CFAP299: variants seen among roughly 807,000 people sequenced by gnomAD.
The protein encoded by CFAP299 is cilia and flagella associated protein 299, also known as cilia- and flagella-associated protein 299.
CFAP299 carries 21 observed loss-of-function variants against 27.0 expected under a neutral mutation model. The observed-to-expected ratio is 0.78, with a 90% CI of 0.55 to 1.12. The LOEUF (loss-of-function observed/expected upper bound fraction) is 1.12, where lower values mean the gene tolerates loss of function less well. CFAP299 is among the 50% of genes most tolerant of loss of function. The pLI, the probability that CFAP299 is intolerant of heterozygous loss-of-function variation, is 0.00. For missense variants in CFAP299, 310 were observed against 276.6 expected (o/e 1.12, Z -0.86); for synonymous variants, 104 against 98.1 (o/e 1.06, Z -0.36).
At chr4:80,699,265 C>A (rs1017596860) in intron 3 of CFAP299, among the ~76,000 whole-genome samples, 1 of 152,148 alleles carries the variant, frequency 6.6e-6, no homozygotes, top group African/African-American at 2.4e-5. Context: ...TCTGCACTTG[C>A]TTTATTGGGC....
intron 2 of CFAP299, among the ~76,000 whole-genome samples, chr4:80,504,111 T>C: frequency 6.6e-6 from 1 of 152,000 alleles, no homozygotes. Context: ...TCATGCTTAT[T>C]ATGGGGAGGA....
intron 3 of CFAP299, among the ~76,000 whole-genome samples, chr4:80,755,522 C>T (rs181066417): frequency 6.6e-6 from 1 of 152,146 alleles, no homozygotes; most frequent in Admixed American, 6.5e-5. Flanking sequence ...TACCATTTGA[C>T]TATTAAATTC....
intron 3 of CFAP299, among the ~76,000 whole-genome samples, chr4:80,864,879 T>C (rs544027568): frequency 5.9e-5 from 9 of 152,120 alleles, no homozygotes; most frequent in Non-Finnish European, 1.3e-4. Flanking sequence ...CACACACCAA[T>C]TTAGGTATTA....
rs1732994476 is a variant in CFAP299 at position 80,870,097 on chromosome 4, T to C, written c.438T>C (p.Thr146=). The change falls in exon 4 of 6, where the codon ACT becomes ACC. Residue 146 remains threonine, a synonymous_variant. Transcript: ENST00000358105. The part of the protein sequence containing the change: ...LKTEDFEVYF[T]GKKRLLPRPT... ...CGGAAGATTTTGAAGTCTACTTTAC[T>C]GGAAAAAAAAGACTTCTTCCAAGGC... 1.2e-6 allele frequency: 2 copies of C among 1,612,388 alleles called. No homozygotes were observed. The highest frequency in any genetic ancestry group is 1.7e-6 in the Non-Finnish European group (2 of 1,179,284).
At chr4:80,508,853 C>T (rs1424191065) in intron 2 of CFAP299, among the ~76,000 whole-genome samples, 1 of 152,188 alleles carries the variant, frequency 6.6e-6, no homozygotes, top group African/African-American at 2.4e-5. Context: ...CCACACCACC[C>T]AGCCTGATCA....
At chr4:80,809,388 G>A (rs1729025425) in intron 3 of CFAP299, among the ~76,000 whole-genome samples, 1 of 152,112 alleles carries the variant, frequency 6.6e-6, no homozygotes, top group African/African-American at 2.4e-5. Flanking sequence ...ATTTTCCACA[G>A]AATAAACCAT....
At chr4:80,329,221 A>G in the CFAP299 span, among the ~76,000 whole-genome samples, 1 of 148,676 alleles carries the variant, frequency 6.7e-6, no homozygotes, top group Admixed American at 6.7e-5. Flanking sequence ...ATATATATAT[A>G]TATATATATG....
At chr4:80,462,344 G>A (rs145222378) in intron 2 of CFAP299, among the ~76,000 whole-genome samples, 15 of 152,084 alleles carry the variant, frequency 9.9e-5, no homozygotes, top group South Asian at 2.1e-4. Context: ...CCATTCTGGC[G>A]GAGCAGACTA....
intron 3 of CFAP299, among the ~76,000 whole-genome samples, chr4:80,623,703 G>C (rs979321502): frequency 6.6e-6 from 1 of 152,130 alleles, no homozygotes; most frequent in African/African-American, 2.4e-5. Context: ...AGAGAAGAAA[G>C]TGAGCATATA....
chr4:80,408,286 A>C (rs1409663363), intron 2 of CFAP299, among the ~76,000 whole-genome samples: 1 of 152,138 alleles, frequency 6.6e-6, no homozygotes, highest in Non-Finnish European at 1.5e-5. Flanking sequence ...ACTTGTCCTA[A>C]TTTGGTTTAT....
chr4:80,854,158 GAA>G (rs1337908771), intron 3 of CFAP299, among the ~76,000 whole-genome samples: 3 of 152,100 alleles, frequency 2.0e-5, no homozygotes, highest in African/African-American at 7.2e-5. Flanking sequence ...TGCAGATGAA[GAA>G]GACATTTCAC....
chr4:80,812,094 A>T (rs1729184298), intron 3 of CFAP299, among the ~76,000 whole-genome samples: 1 of 152,114 alleles, frequency 6.6e-6, no homozygotes, highest in African/African-American at 2.4e-5. Flanking sequence ...GTATTCATAT[A>T]TTAGTATTCA....
chr4:80,506,549 A>G (rs911921125), intron 2 of CFAP299, among the ~76,000 whole-genome samples: 2 of 152,192 alleles, frequency 1.3e-5, no homozygotes, highest in South Asian at 4.1e-4. Flanking sequence ...AATTTGGGGA[A>G]TAAACTTTAA....
chr4:80,764,707 A>G (rs2112600), intron 3 of CFAP299, among the ~76,000 whole-genome samples: 2 of 152,214 alleles, frequency 1.3e-5, no homozygotes, highest in East Asian at 1.9e-4. Context: ...ATGCCCATCA[A>G]TGATAAACTG....
At chr4:80,381,915 A>G (rs1340804451) in intron 2 of CFAP299, among the ~76,000 whole-genome samples, 1 of 152,072 alleles carries the variant, frequency 6.6e-6, no homozygotes, top group East Asian at 1.9e-4. Context: ...CCTTCTATCT[A>G]TCAGCTATCT....
chr4:80,758,151 C>T (rs1396501661), intron 3 of CFAP299, among the ~76,000 whole-genome samples: 1 of 152,102 alleles, frequency 6.6e-6, no homozygotes, highest in Non-Finnish European at 1.5e-5. Context: ...GAGTTCTTGT[C>T]CAGCATCCAG....
At chr4:80,383,669 T>C (rs1392877693) in intron 2 of CFAP299, among the ~76,000 whole-genome samples, 1 of 152,212 alleles carries the variant, frequency 6.6e-6, no homozygotes, top group Non-Finnish European at 1.5e-5. Context: ...CCCTCCTTGC[T>C]GTTTAAGAAA....
chr4:80,593,909 A>G (rs1296459371), intron 3 of CFAP299, among the ~76,000 whole-genome samples: 1 of 151,646 alleles, frequency 6.6e-6, no homozygotes, highest in Non-Finnish European at 1.5e-5. Flanking sequence ...TTGCAGTCCA[A>G]ATTTTCTAAT....
intron 5 of CFAP299, among the ~76,000 whole-genome samples, chr4:80,948,284 A>G (rs1737576336): frequency 6.6e-6 from 1 of 152,206 alleles, no homozygotes; most frequent in South Asian, 2.1e-4. Flanking sequence ...ACAACAAGTA[A>G]TATGAGTTCA....
Sources: allele counts gnomAD v4.1 joint callset (sites outside exome capture counted in the v4.1 genomes callset), GRCh38; gene constraint gnomAD v4.1.1; transcripts MANE v1.5; gene names NCBI Gene and HGNC (gene_info 2026-07-23, HGNC 2026-07-21).